Variants in LRRC4C observed in about 807,000 individuals in gnomAD.
LRRC4C encodes the protein leucine rich repeat containing 4C, also known as leucine-rich repeat-containing protein 4C.
A neutral mutation model predicts 33.6 loss-of-function variants in LRRC4C; 5 were observed. The observed-to-expected ratio is 0.15, with a 90% CI of 0.08 to 0.31. LRRC4C has a LOEUF of 0.31. LRRC4C is among the 10% of genes least tolerant of loss of function. The pLI, the probability that LRRC4C is intolerant of heterozygous loss-of-function variation, is 1.00. For missense variants in LRRC4C, 560 were observed against 796.7 expected, an observed-to-expected ratio of 0.70 and a Z score of 3.58; for synonymous variants, 329 against 302.0, an observed-to-expected ratio of 1.09 and a Z score of -0.93.
At chr11:41,429,474 A>G (rs150186565) in intron 1 of LRRC4C, among the ~76,000 whole-genome samples, 1 of 152,284 alleles carries the variant, frequency 6.6e-6, no homozygotes, top group East Asian at 1.9e-4. Flanking sequence ...CCAACTTACC[A>G]TTATGGAATG....
At chr11:40,289,979 G>T (rs1281950330) in intron 4 of LRRC4C, among the ~76,000 whole-genome samples, 2 of 152,086 alleles carry the variant, frequency 1.3e-5, no homozygotes, top group Non-Finnish European at 2.9e-5. Flanking sequence ...CACTATCAAG[G>T]AGAGGAATGT....
At chr11:40,730,711 T>A (rs947403770) in intron 2 of LRRC4C, among the ~76,000 whole-genome samples, 3 of 152,234 alleles carry the variant, frequency 2.0e-5, no homozygotes, top group African/African-American at 7.2e-5. Context: ...AAAAATAATC[T>A]GACTGAGGCT....
chr11:40,949,116 CAGTGAT>C (rs1456199517), intron 1 of LRRC4C, among the ~76,000 whole-genome samples: 1 of 150,522 alleles, frequency 6.6e-6, no homozygotes, highest in Non-Finnish European at 1.5e-5. Flanking sequence ...CTCTGATGGC[CAGTGAT>C]GGTGAGCATT....
intron 6 of LRRC4C, among the ~76,000 whole-genome samples, chr11:40,138,331 TG>T (rs1030829730): frequency 9.2e-5 from 14 of 152,110 alleles, no homozygotes; most frequent in Non-Finnish European, 1.3e-4. Context: ...CTACCACACA[TG>T]GCTGCTTTTA....
In LRRC4C at chr11:40,152,757, C is replaced by A. The variant is rs147752740; in HGVS notation, c.-95-11904G>T. ...CAACTCCAGTGACCTGGGAATCTCA[C>A]CCCCATCCCCCACAGCAGCCACAGC... is the stretch of plus-strand genomic sequence containing the variant. On this transcript the variant is annotated intron_variant, in intron 5 of 6. Coordinates refer to ENST00000528697, the MANE Select transcript of LRRC4C (RefSeq NM_001258419.2). Among the ~76,000 whole-genome samples the A allele has an allele frequency of 8.0e-3, 1,219 of 152,210 alleles. 16 individuals are homozygous for A. The highest frequency in any genetic ancestry group is 0.028 in the African/African-American group (1,167 of 41,538).
intron 3 of LRRC4C, among the ~76,000 whole-genome samples, chr11:40,402,147 A>G (rs1044375717): frequency 2.6e-5 from 4 of 152,128 alleles, no homozygotes; most frequent in South Asian, 4.1e-4. Context: ...AGACATGTCT[A>G]AAAGAAAGCA....
At chr11:40,413,240 A>T (rs926671245) in intron 3 of LRRC4C, among the ~76,000 whole-genome samples, 8 of 152,060 alleles carry the variant, frequency 5.3e-5, no homozygotes, top group Admixed American at 5.3e-4. Context: ...AGCAGGAAGA[A>T]GAGGAAGCTC....
intron 2 of LRRC4C, among the ~76,000 whole-genome samples, chr11:40,713,425 G>T (rs1017879577): frequency 1.3e-5 from 2 of 152,118 alleles, no homozygotes; most frequent in African/African-American, 4.8e-5. Flanking sequence ...TGGACAGTCT[G>T]TTATGTGGAA....
chr11:40,853,249 A>G (rs1953601166), intron 2 of LRRC4C, among the ~76,000 whole-genome samples: 1 of 152,052 alleles, frequency 6.6e-6, no homozygotes, highest in Non-Finnish European at 1.5e-5. Flanking sequence ...TTCATTTACT[A>G]TACTATGCTT....
intron 1 of LRRC4C, among the ~76,000 whole-genome samples, chr11:41,330,874 AT>A (rs1463960094): frequency 6.6e-6 from 1 of 152,278 alleles, no homozygotes; most frequent in African/African-American, 2.4e-5. Flanking sequence ...CTCCAAACTT[AT>A]TAAAACCCTC....
intron 1 of LRRC4C, among the ~76,000 whole-genome samples, chr11:41,123,843 G>T (rs144454515): frequency 6.6e-6 from 1 of 152,146 alleles, no homozygotes; most frequent in Non-Finnish European, 1.5e-5. Context: ...TTCCTACAGC[G>T]TGTAAACTCT....
intron 1 of LRRC4C, among the ~76,000 whole-genome samples, chr11:41,075,418 G>C (rs1214869179): frequency 6.6e-6 from 1 of 152,090 alleles, no homozygotes; most frequent in African/African-American, 2.4e-5. Flanking sequence ...AAGCCTCTAG[G>C]ATGGGCTTTT....
intron 6 of LRRC4C, among the ~76,000 whole-genome samples, chr11:40,127,856 C>A (rs1388171289): frequency 6.6e-6 from 1 of 152,142 alleles, no homozygotes; most frequent in East Asian, 1.9e-4. Flanking sequence ...AGCAGTGTAT[C>A]ATTTTGGAAT....
At chr11:40,145,092 T>C (rs1857632653) in intron 5 of LRRC4C, among the ~76,000 whole-genome samples, 1 of 152,206 alleles carries the variant, frequency 6.6e-6, no homozygotes, top group African/African-American at 2.4e-5. Context: ...TGGGCATGCA[T>C]ACACCCCAGT....
intron 6 of LRRC4C, among the ~76,000 whole-genome samples, chr11:40,127,392 AGAG>A (rs1369107049): frequency 3.3e-5 from 5 of 152,192 alleles, no homozygotes; most frequent in Non-Finnish European, 5.9e-5. Flanking sequence ...TTATGAAAGC[AGAG>A]GAGTAGGAGC....
At chr11:40,152,106 A>G (rs1858263759) in intron 5 of LRRC4C, among the ~76,000 whole-genome samples, 1 of 152,142 alleles carries the variant, frequency 6.6e-6, no homozygotes, top group Non-Finnish European at 1.5e-5. Context: ...GCAGGACTCG[A>G]GAGACACCCC....
At chr11:41,100,004 C>T (rs1941066879) in intron 1 of LRRC4C, among the ~76,000 whole-genome samples, 1 of 151,922 alleles carries the variant, frequency 6.6e-6, no homozygotes, top group Non-Finnish European at 1.5e-5. Context: ...GGGATACCCC[C>T]TCCCAAAAAA....
At position 40,425,875 on chromosome 11, in the gene LRRC4C, T is replaced by C. The variant is rs185848758; in HGVS notation, c.-269-106154A>G. 8.5e-5 allele frequency among the ~76,000 whole-genome samples: 13 copies of C among 152,258 alleles called. No individual in the cohort carries two copies. In the East Asian group the frequency reaches 2.3e-3, roughly 27 times the overall value. On this transcript the variant is annotated intron_variant, in intron 3 of 6. Transcript: ENST00000528697. ...CCACCCACTTGTCTCATTTAAATGG[T>C]AGGAAATGCTGCTAAATTCTGCTCA...
intron 1 of LRRC4C, among the ~76,000 whole-genome samples, chr11:41,051,218 C>T (rs997206253): frequency 6.6e-6 from 1 of 152,138 alleles, no homozygotes; most frequent in Non-Finnish European, 1.5e-5. Flanking sequence ...TAAAAGCTAA[C>T]ACTTAAATGT....
Sources: allele counts gnomAD v4.1 joint callset (sites outside exome capture counted in the v4.1 genomes callset), GRCh38; gene constraint gnomAD v4.1.1; transcripts MANE v1.5; gene names NCBI Gene and HGNC (gene_info 2026-07-23, HGNC 2026-07-21).